ATP11A: variants seen among roughly 807,000 people sequenced by gnomAD.
ATP11A encodes the protein ATPase phospholipid transporting 11A.
Under a neutral mutation model 154.4 loss-of-function variants are expected in ATP11A, and 81 were observed. That is an observed-to-expected ratio of 0.52 (90% CI 0.44 to 0.63). ATP11A has a LOEUF of 0.63. Among genes scored for constraint, ATP11A ranks in the 30% least tolerant of loss-of-function variants. The probability of loss-of-function intolerance (pLI) is 0.00; values close to 1 mark genes in which losing one functional copy is unlikely to be tolerated. For synonymous variants in ATP11A, 623 were observed against 585.9 expected, an observed-to-expected ratio of 1.06 and a Z score of -0.91; for missense variants, 1,316 against 1,474.3, an observed-to-expected ratio of 0.89 and a Z score of 1.76.
intron 16 of ATP11A, among the ~76,000 whole-genome samples, chr13:112,841,378 C>A (rs552164523): frequency 8.1e-4 from 118 of 145,722 alleles, no homozygotes; most frequent in African/African-American, 2.9e-3. Flanking sequence ...AGCACCTGCG[C>A]CCAGGCACAA....
Position 112,869,670 on chromosome 13 carries a change from G to T in ATP11A, c.2992-2065G>T, listed in dbSNP as rs2080449830. Among the ~76,000 whole-genome samples the T allele has an allele frequency of 2.0e-5, 3 of 152,238 alleles. No individual in the cohort carries two copies. The South Asian group carries it at 6.2e-4, about 31-fold the overall frequency. On this transcript the variant is annotated intron_variant, in intron 25 of 29. Transcript: ENST00000375645. Reference sequence around the variant, plus strand: ...TTTTCCTCCAGGCCCAGCTGATGTGGTTGTCTGGGTGCAAAGCCGCCCTCA... The same window carrying T: ...TTTTCCTCCAGGCCCAGCTGATGTGTTTGTCTGGGTGCAAAGCCGCCCTCA...
intron 17 of ATP11A, among the ~76,000 whole-genome samples, chr13:112,844,137 G>A (rs1255048792): frequency 1.3e-5 from 2 of 152,204 alleles, no homozygotes; most frequent in Non-Finnish European, 2.9e-5. Context: ...TTGCTGTGAC[G>A]TGGTCGCCGT....
chr13:112,780,787 T>C (rs991793173), intron 1 of ATP11A, among the ~76,000 whole-genome samples: 4 of 152,156 alleles, frequency 2.6e-5, no homozygotes, highest in African/African-American at 9.7e-5. Flanking sequence ...TTAGGAAACC[T>C]GTTACTTGAC....
intron 4 of ATP11A, among the ~76,000 whole-genome samples, chr13:112,810,220 T>C (rs2078450926): frequency 6.6e-6 from 1 of 152,250 alleles, no homozygotes; most frequent in South Asian, 2.1e-4. Flanking sequence ...TGGCTCCACG[T>C]CTTCGGGGCT....
chr13:112,838,132 C>T lies in ATP11A; in HGVS notation c.1705+1881C>T, dbSNP rs914713657. 9.9e-5 allele frequency among the ~76,000 whole-genome samples: 15 copies of T among 152,248 alleles called. No homozygotes were observed. The highest frequency in any genetic ancestry group is 1.8e-4 in the Non-Finnish European group (12 of 68,014). On this transcript the variant is annotated intron_variant, in intron 16 of 29. Transcript: ENST00000375645. The surrounding 1 kb of genome is among the most constrained non-coding windows in gnomAD (Gnocchi z 7.3). ...CACGAAGAGCTTTTGCCAGCCAGAC[C>T]GTGGGATCAGCAGGACAGGGTCTGA...
intron 2 of ATP11A, among the ~76,000 whole-genome samples, chr13:112,787,366 A>T (rs1200490551): frequency 8.3e-6 from 1 of 120,220 alleles, no homozygotes; most frequent in Non-Finnish European, 1.6e-5. Context: ...TGATGCGTAG[A>T]CTCCTGTGGA....
At position 112,826,887 on chromosome 13, in the gene ATP11A, G is replaced by T; in HGVS notation, c.1217G>T (p.Gly406Val). ...ACGTCGGACCTCAATGAAGAGCTGG[G>T]ACAGGTTGGTGTCTCCTGAGTCATC... ...VNTSDLNEEL[G>V]QVEYIFTDKT... is the part of the protein sequence containing the mutation. The change falls in exon 12 of 30, where the codon GGA becomes GTA. Residue 406 changes from glycine (G) to valine (V), a missense_variant. Gly to Val is a moderately radical substitution (Grantham distance 109, BLOSUM62 -3). Coordinates refer to ENST00000375645, the MANE Select transcript of ATP11A (RefSeq NM_015205.3). 1 of 1,614,190 alleles carries T rather than the reference G, an allele frequency of 6.2e-7. No individual in the cohort carries two copies. Among genetic ancestry groups the T allele is most frequent in the South Asian group, 1.1e-5 (1 of 91,074 alleles).
At chr13:112,767,433 T>C (rs865945132) in intron 1 of ATP11A, among the ~76,000 whole-genome samples, 7 of 46,706 alleles carry the variant, frequency 1.5e-4, no homozygotes, top group African/African-American at 5.9e-4. Flanking sequence ...GATGTGGGGG[T>C]GTTGGGGGCC....
chr13:112,730,404 G>A (rs906443082), intron 1 of ATP11A, among the ~76,000 whole-genome samples: 14 of 152,256 alleles, frequency 9.2e-5, no homozygotes, highest in Non-Finnish European at 2.1e-4. Flanking sequence ...TTCTCAAAGA[G>A]CCAGCTGAGC....
intron 1 of ATP11A, among the ~76,000 whole-genome samples, chr13:112,765,250 G>T: frequency 6.6e-6 from 1 of 151,804 alleles, no homozygotes; most frequent in Non-Finnish European, 1.5e-5. Flanking sequence ...GGGGTGGCCC[G>T]GGCAGTTCCT....
intron 6 of ATP11A, among the ~76,000 whole-genome samples, chr13:112,817,000 C>A (rs1299322769): frequency 3.3e-5 from 5 of 152,144 alleles, no homozygotes; most frequent in Non-Finnish European, 7.3e-5. Context: ...GTATCTTAGT[C>A]AGGATTTTCT....
At chr13:112,735,751 C>A (rs918301569) in intron 1 of ATP11A, among the ~76,000 whole-genome samples, 1 of 152,218 alleles carries the variant, frequency 6.6e-6, no homozygotes, top group Admixed American at 6.5e-5. Context: ...GAGTTGAACT[C>A]ACCAGCCATT....
At chr13:112,784,793 G>T (rs1339778775) in intron 1 of ATP11A, among the ~76,000 whole-genome samples, 1 of 152,176 alleles carries the variant, frequency 6.6e-6, no homozygotes, top group Non-Finnish European at 1.5e-5. Context: ...AAAGTGCTGG[G>T]ATTACAGGCG....
In ATP11A at chr13:112,854,486, G is replaced by C. The variant is rs773707429; in HGVS notation, c.2199G>C (p.Thr733=). 6.2e-7 allele frequency: 1 copy of C among 1,612,136 alleles called. No individual in the cohort carries two copies. Among genetic ancestry groups the C allele is most frequent in the Non-Finnish European group, 8.5e-7 (1 of 1,180,008 alleles). ...LHDVLFELSK[T]VLRHSGSLTR... is the part of the protein sequence containing the mutation. ...ACGTCCTGTTCGAGCTGAGCAAGAC[G>C]GTCCTGCGCCACAGCGGGAGCCTGA... The change falls in exon 19 of 30, where the codon ACG becomes ACC. Residue 733 remains threonine (T), a synonymous_variant. Coordinates refer to ENST00000375645, the MANE Select transcript of ATP11A (RefSeq NM_015205.3).
At position 112,690,582 on chromosome 13, in the gene ATP11A, C is replaced by G. The variant is rs867393873; in HGVS notation, c.39+127C>G. On this transcript the variant is annotated intron_variant, in intron 1 of 29. Transcript: ENST00000375645. This position sits in a 1 kb window ranked among gnomAD's most constrained non-coding sequence, Gnocchi z 5.6. The stretch of plus-strand genomic sequence containing the variant: ...AGGTCTCCGATGTCTGGGACTCGGA[C>G]CGCCCCCGGGGACGAGCGGGATGCT... 3.3e-6 allele frequency: 3 copies of G among 904,592 alleles called. No individual in the cohort carries two copies. The African/African-American group carries it at 5.2e-5, about 16-fold the overall frequency. The allele number at this position is 904,592 out of a possible 1,614,324, so 56.0% of individuals were successfully genotyped here. A position where few individuals can be genotyped will look rare whatever the true frequency, so the allele number is the denominator to read the frequency against.
At chr13:112,847,672 T>C (rs2079647439) in intron 17 of ATP11A, among the ~76,000 whole-genome samples, 1 of 152,266 alleles carries the variant, frequency 6.6e-6, no homozygotes, top group Non-Finnish European at 1.5e-5. Context: ...TCTAGCAGGC[T>C]TTGAAACCAG....
At chr13:112,831,219 C>A (rs533137968) in intron 12 of ATP11A, among the ~76,000 whole-genome samples, 156 bp from the exon 13 acceptor site, 2 of 152,154 alleles carry the variant, frequency 1.3e-5, no homozygotes, top group Non-Finnish European at 2.9e-5. Flanking sequence ...ATGGCTCAGC[C>A]CAGTGAGGGG....
chr13:112,783,544 G>C lies in ATP11A; in HGVS notation c.40-1591G>C, dbSNP rs144820854. On this transcript the variant is annotated intron_variant, in intron 1 of 29. Coordinates refer to ENST00000375645, the MANE Select transcript of ATP11A (RefSeq NM_015205.3). ...AGCAGCCAAGGGTCAGCCCTTCGAC[G>C]GCAGTGCCCGCTCGTCCTTCCCGTC... Among the ~76,000 whole-genome samples the C allele has an allele frequency of 2.6e-5, 4 of 152,342 alleles. No homozygotes were observed. In the South Asian group the frequency reaches 8.3e-4, roughly 32 times the overall value.
In ATP11A at chr13:112,880,875, C is replaced by G. The variant is rs919319985; in HGVS notation, c.*10-1001C>G. On this transcript the variant is annotated intron_variant, in intron 29 of 29. Transcript: ENST00000375645. ...TGCACACACACGTGTGCACACTCAC[C>G]CCACACGCACGGCACACAGCCTGAC... is the stretch of plus-strand genomic sequence containing the variant. 26 of 1,026,424 alleles carry G rather than the reference C, an allele frequency of 2.5e-5. No homozygotes were observed. In the African/African-American group the frequency reaches 4.3e-4, roughly 17 times the overall value. The allele number at this position is 1,026,424 out of a possible 1,614,324, so 63.6% of individuals were successfully genotyped here. A position where few individuals can be genotyped will look rare whatever the true frequency, so the allele number is the denominator to read the frequency against.
Sources: allele counts gnomAD v4.1 joint callset (sites outside exome capture counted in the v4.1 genomes callset), GRCh38; gene constraint gnomAD v4.1.1; non-coding constraint Gnocchi (gnomAD v3.1); transcripts MANE v1.5; gene names NCBI Gene and HGNC (gene_info 2026-07-23, HGNC 2026-07-21).